The following MISP variants were observed in gnomAD, a reference collection of about 807,000 sequenced individuals.
The protein encoded by MISP is mitotic interactor and substrate of PLK1.
In MISP, 51 loss-of-function variants were observed where a neutral mutation model predicts 49.3. The ratio of observed to expected loss-of-function variants is 1.03; its 90% CI spans 0.83 to 1.31. MISP has a LOEUF of 1.31. Ranked by LOEUF, MISP falls within the 50% of genes most tolerant of loss-of-function variation. The probability of loss-of-function intolerance (pLI) is 0.00; values close to 1 mark genes in which losing one functional copy is unlikely to be tolerated. For synonymous variants in MISP, 444 were observed against 392.6 expected (o/e 1.13, Z -1.55); for missense variants, 1,084 against 935.1 (o/e 1.16, Z -2.08).
rs751813606 is a variant in MISP, at chr19:757,417, C to T, written c.471C>T (p.Thr157=). Residue 157 remains threonine (T), a synonymous_variant, in exon 2 of 5, where the codon ACC becomes ACT. Coordinates refer to ENST00000215582, the MANE Select transcript of MISP (RefSeq NM_173481.4). ...IQGQAVRKSS[T]VATLQGTPDH... ...GCCAGGCAGTCAGGAAGAGCAGCAC[C>T]GTGGCCACGCTCCAGGGCACTCCTG... is the stretch of plus-strand genomic sequence containing the variant. 2.2e-5 allele frequency: 36 copies of T among 1,600,804 alleles called. No homozygotes were observed. The Admixed American group carries it at 3.0e-4, about 13-fold the overall frequency.
rs143026376 is a variant in MISP, at chr19:758,474, C to T, written c.1528C>T (p.Arg510Trp). ...RWEYFRLRPLRFRAPDEPQQA... is the reference protein window; with the variant it reads ...RWEYFRLRPLWFRAPDEPQQA... ...GGAGTACTTCCGCCTGCGTCCTCTG[C>T]GGTTCAGGGCCCCAGACGAGCCCCA... Residue 510 changes from arginine to tryptophan, a missense_variant, in exon 2 of 5, where the codon CGG becomes TGG. Arg to Trp is a moderately radical substitution (Grantham distance 101). Coordinates refer to ENST00000215582, the MANE Select transcript of MISP (RefSeq NM_173481.4). 276 of 1,614,090 alleles carry T rather than the reference C, an allele frequency of 1.7e-4. No individual in the cohort carries two copies. In the African/African-American group the frequency reaches 2.4e-3, roughly 14 times the overall value.
intron 1 of MISP, among the ~76,000 whole-genome samples, chr19:753,293 T>G (rs1251890858): frequency 6.6e-6 from 1 of 152,108 alleles, no homozygotes; most frequent in Non-Finnish European, 1.5e-5. Context: ...TGCGTGTAGT[T>G]TCAACACGGC....
upstream of MISP, among the ~76,000 whole-genome samples, chr19:748,777 C>G (rs2033416091): frequency 6.6e-6 from 1 of 152,230 alleles, no homozygotes; most frequent in Admixed American, 6.5e-5. Flanking sequence ...CCGCCAGCCC[C>G]ACTCTCTCAC....
Position 758,493 on chromosome 19 carries a change from A to G in MISP, c.1547A>G (p.Glu516Gly). The change falls in exon 2 of 5, where the codon GAG becomes GGG. Residue 516 changes from glutamate (E) to glycine (G), a missense_variant. Glu to Gly is a moderately conservative substitution (Grantham distance 98). Coordinates refer to ENST00000215582, the MANE Select transcript of MISP (RefSeq NM_173481.4). ...LRPLRFRAPDEPQQAQVPHVW... is the reference protein window; with the variant it reads ...LRPLRFRAPDGPQQAQVPHVW... ...CCTCTGCGGTTCAGGGCCCCAGACGAGCCCCAGCAGGCCCAAGTCCCCCAT... is the reference window on the plus strand; with the variant it reads ...CCTCTGCGGTTCAGGGCCCCAGACGGGCCCCAGCAGGCCCAAGTCCCCCAT... 1 of 1,614,076 alleles carries G rather than the reference A, an allele frequency of 6.2e-7. No homozygotes were observed. Among genetic ancestry groups the G allele is most frequent in the Non-Finnish European group, 8.5e-7 (1 of 1,179,962 alleles).
rs138508960 is a variant in MISP at position 757,185 on chromosome 19, G to A, written c.239G>A (p.Arg80Gln). 3.8e-5 allele frequency: 61 copies of A among 1,613,360 alleles called. No individual in the cohort carries two copies. Among genetic ancestry groups the A allele is most frequent in the Non-Finnish European group, 4.8e-5 (57 of 1,179,972 alleles). The change falls in exon 2 of 5, where the codon CGG (arginine) becomes CAG (glutamine). Residue 80 changes from arginine to glutamine, a missense_variant. Transcript: ENST00000215582. ...GCCTACACTGGCCAGCCGTCCCCAC[G>A]GGGGCTCCACTCGGAGAACAGGGAG... Reference protein sequence around the residue: ...VHAYTGQPSPRGLHSENREDE... With the variant: ...VHAYTGQPSPQGLHSENREDE...
In MISP at chr19:753,365, GTTTTTCTTTTTTTTTCTT is replaced by G. The variant is rs2033489570; in HGVS notation, c.-58+2210_-58+2227del. Among the ~76,000 whole-genome samples, 3 of 151,074 alleles carry G rather than the reference GTTTTTCTTTTTTTTTCTT, an allele frequency of 2.0e-5. No homozygotes were observed. The South Asian group carries it at 6.3e-4, about 32-fold the overall frequency. On this transcript the variant is annotated intron_variant, in intron 1 of 4. Transcript: ENST00000215582. ...ACTTTCCAGTTCAGAGAGGGGCTAA[GTTTTTCTTTTTTTTTCTT>G]TTTTTCTTTTTTTTTTTTTTTGAGG...
In MISP at chr19:758,393, G is replaced by C; in HGVS notation, c.1447G>C (p.Glu483Gln). Residue 483 changes from glutamate to glutamine, a missense_variant, in exon 2 of 5, where the codon GAG becomes CAG. Physicochemically the swap from Glu to Gln is conservative, Grantham distance 29 (BLOSUM62 2). Transcript: ENST00000215582. ...TGGAAAACCCCTGAGCACAAAGCAA[G>C]AGGCATCGAAGCCCCCTCGGGGATG... Reference protein sequence around the residue: ...SSGKPLSTKQEASKPPRGCPQ... With the variant: ...SSGKPLSTKQQASKPPRGCPQ... 6.2e-7 allele frequency: 1 copy of C among 1,614,242 alleles called. No individual in the cohort carries two copies. The highest frequency in any genetic ancestry group is 8.5e-7 in the Non-Finnish European group (1 of 1,180,054).
chr19:759,705 T>C (rs2033640629), intron 2 of MISP, among the ~76,000 whole-genome samples: 2 of 152,138 alleles, frequency 1.3e-5, no homozygotes, highest in South Asian at 4.1e-4. Flanking sequence ...CGGCCACTTT[T>C]AATGTTCTTC....
chr19:759,855 C>G, intron 2 of MISP, 54 bp from the exon 3 acceptor site: 10 of 1,601,304 alleles, frequency 6.2e-6, no homozygotes, highest in Non-Finnish European at 8.5e-6. Context: ...CTCTGTCTCC[C>G]GAGCAGAGGT....
At position 760,437 on chromosome 19, in the gene MISP, C is replaced by T. The variant is rs1025552432; in HGVS notation, c.1911+398C>T. On this transcript the variant is annotated intron_variant, in intron 3 of 4. Coordinates refer to ENST00000215582, the MANE Select transcript of MISP (RefSeq NM_173481.4). ...CTGGAGTGCAGTAGCACGATCTCGG[C>T]TCACTGCAACCTCCACCTCCCGGGT... 8 of 159,278 alleles carry T rather than the reference C, an allele frequency of 5.0e-5. No homozygotes were observed. In the South Asian group the frequency reaches 1.0e-3, roughly 20 times the overall value. 9.9% of individuals were successfully genotyped at this position (159,278 alleles called of 1,614,324 possible).
At position 758,707 on chromosome 19, in the gene MISP, G is replaced by C. The variant is rs1207566813; in HGVS notation, c.1761G>C (p.Arg587Ser). Residue 587 changes from arginine to serine, a missense_variant, in exon 2 of 5, where the codon AGG becomes AGC. By Grantham distance (110) the Arg-to-Ser change is moderately radical (BLOSUM62 -1). Coordinates refer to ENST00000215582, the MANE Select transcript of MISP (RefSeq NM_173481.4). ...TPDENSDQNS[R>S]SSSQASGITG... ...ATGAGAACTCTGACCAGAACTCCAG[G>C]AGCTCCTCCCAGGCATCCGGTGAGA... The C allele has an allele frequency of 5.0e-6, 8 of 1,613,528 alleles. No homozygotes were observed. The highest frequency in any genetic ancestry group is 6.8e-6 in the Non-Finnish European group (8 of 1,179,606).
chr19:754,175 G>A (rs966103005), intron 1 of MISP, among the ~76,000 whole-genome samples: 1 of 151,146 alleles, frequency 6.6e-6, no homozygotes, highest in Non-Finnish European at 1.5e-5. Context: ...AAATTAGCCG[G>A]GTGTCCTGGC....
chr19:757,748 G>A lies in MISP; in HGVS notation c.802G>A (p.Ala268Thr), dbSNP rs139765391. The A allele has an allele frequency of 5.8e-5, 94 of 1,613,706 alleles. No individual in the cohort carries two copies. The highest frequency in any genetic ancestry group is 1.6e-4 in the Middle Eastern group (1 of 6,084). The change falls in exon 2 of 5, where the codon GCC becomes ACC. Residue 268 changes from alanine (A) to threonine (T), a missense_variant. By Grantham distance (58) the Ala-to-Thr change is moderately conservative. Coordinates refer to ENST00000215582, the MANE Select transcript of MISP (RefSeq NM_173481.4). ...ENKVRAVPTW[A>T]SVQVVDDPGS... is the part of the protein sequence containing the mutation. ...CAAGGTGCGTGCTGTGCCCACCTGG[G>A]CCAGTGTCCAAGTTGTGGATGACCC...
chr19:763,975 C>T lies in MISP; in HGVS notation c.*385C>T, dbSNP rs539885068. ...ACCGGTCAAAGAGGGTGGCACAGAT[C>T]GCAGCACCTTGAGGGGCTGCGGGTC... On this transcript the variant is annotated 3_prime_UTR_variant, in exon 5 of 5. Coordinates refer to ENST00000215582, the MANE Select transcript of MISP (RefSeq NM_173481.4). 18 of 177,304 alleles carry T rather than the reference C, an allele frequency of 1.0e-4. No homozygotes were observed. The South Asian group carries it at 1.3e-3, about 13-fold the overall frequency. 11.0% of individuals were successfully genotyped at this position (177,304 alleles called of 1,614,324 possible).
Position 756,871 on chromosome 19 carries a change from T to G in MISP, c.-57-19T>G, listed in dbSNP as rs771237521. The G allele has an allele frequency of 3.9e-6, 5 of 1,296,464 alleles. No individual in the cohort carries two copies. The highest frequency in any genetic ancestry group is 5.2e-6 in the Non-Finnish European group (5 of 957,522). The allele number at this position is 1,296,464 out of a possible 1,614,324, so 80.3% of individuals were successfully genotyped here. Reference sequence around the variant, plus strand: ...AGGTGCTCTGACTTGATGGCCCTCATTTCCTTCTCCTCCCTCAGTAAGCCC... The same window carrying G: ...AGGTGCTCTGACTTGATGGCCCTCAGTTCCTTCTCCTCCCTCAGTAAGCCC... On this transcript the variant is annotated intron_variant, in intron 1 of 4. Transcript: ENST00000215582.
At position 763,446 on chromosome 19, in the gene MISP, A is replaced by T. The variant is rs1233652082; in HGVS notation, c.1951-55A>T. 3.8e-6 allele frequency: 5 copies of T among 1,306,472 alleles called. No individual in the cohort carries two copies. In the African/African-American group the frequency reaches 5.9e-5, roughly 15 times the overall value. The allele number at this position is 1,306,472 out of a possible 1,614,324, so 80.9% of individuals were successfully genotyped here. On this transcript the variant is annotated intron_variant, in intron 4 of 4. Transcript: ENST00000215582. The stretch of plus-strand genomic sequence containing the variant: ...TAATGAATTGGCAGTTGGAGGAGAC[A>T]TCTTGGGGGTGTGGTAGGACCTGGA...
At position 757,476 on chromosome 19, in the gene MISP, G is replaced by A. The variant is rs377309090; in HGVS notation, c.530G>A (p.Arg177Gln). The A allele has an allele frequency of 2.1e-5, 34 of 1,596,854 alleles. No homozygotes were observed. The highest frequency in any genetic ancestry group is 5.6e-5 in the South Asian group (5 of 88,894). ...GACCCCAGGACCCCCGGCCCACCTCGGTCCACGCCCCTGGAGGAGAACGTG... is the reference window on the plus strand; with the variant it reads ...GACCCCAGGACCCCCGGCCCACCTCAGTCCACGCCCCTGGAGGAGAACGTG... ...HGDPRTPGPP[R>Q]STPLEENVVD... is the part of the protein sequence containing the mutation. The change falls in exon 2 of 5, where the codon CGG (arginine) becomes CAG (glutamine). Residue 177 changes from arginine to glutamine, a missense_variant. Transcript: ENST00000215582.
chr19:749,479 A>C (rs544850491), upstream of MISP, among the ~76,000 whole-genome samples: 11 of 139,978 alleles, frequency 7.9e-5, no homozygotes, highest in Admixed American at 2.8e-4. Flanking sequence ...TCACACACCC[A>C]GCAGCGTTAG....
chr19:759,928 G>A lies in MISP; in HGVS notation c.1800G>A (p.Ser600=), dbSNP rs748435161. 14 of 1,613,890 alleles carry A rather than the reference G, an allele frequency of 8.7e-6. No individual in the cohort carries two copies. In the Admixed American group the frequency reaches 1.0e-4, roughly 12 times the overall value. Residue 600 remains serine, a synonymous_variant, in exon 3 of 5, where the codon TCG becomes TCA. Transcript: ENST00000215582. ...SQASGITGSY[S]VSESPFFSPI... ...CTACAGGCATCACGGGCAGTTACTC[G>A]GTGTCTGAGTCTCCCTTCTTCAGCC...
Sources: gnomAD v4.1 joint callset for allele counts (sites outside exome capture counted in the v4.1 genomes callset) on GRCh38, gnomAD v4.1.1 for gene constraint, MANE v1.5 for transcripts, NCBI Gene and HGNC (gene_info 2026-07-23, HGNC 2026-07-21) for gene names.